SPMIP3: variants seen among roughly 807,000 people sequenced by gnomAD.
SPMIP3 encodes sperm microtubule inner protein 3.
the SPMIP3 span, chr1:244,388,975 T>C: frequency 6.2e-7 from 1 of 1,613,790 alleles, no homozygotes; most frequent in South Asian, 1.1e-5. Context: ...TTAGCCACAG[T>C]TTCGCTGAAT....
chr1:244,353,276 G>A, the SPMIP3 span, among the ~76,000 whole-genome samples: 3 of 152,088 alleles, frequency 2.0e-5, no homozygotes, highest in Admixed American at 6.6e-5. Flanking sequence ...CAAGCGTGGC[G>A]GCTCACACCT....
the SPMIP3 span, among the ~76,000 whole-genome samples, chr1:244,362,942 C>G: frequency 2.0e-5 from 3 of 149,008 alleles, no homozygotes; most frequent in Non-Finnish European, 4.4e-5. Context: ...TTCCTGGGCT[C>G]AAGCGATCCT....
At chr1:244,386,003 A>AACACACACACACAC in the SPMIP3 span, among the ~76,000 whole-genome samples, 30 of 145,756 alleles carry the variant, frequency 2.1e-4, no homozygotes, top group Middle Eastern at 3.5e-3. Flanking sequence ...ATCTCTACAA[A>AACACACACACACAC]ACACACACAC....
chr1:244,381,475 G>A, the SPMIP3 span, among the ~76,000 whole-genome samples: 115 of 152,310 alleles, frequency 7.6e-4, no homozygotes, highest in African/African-American at 2.8e-3. Context: ...AACCTATGGA[G>A]CTAAATAAAT....
At chr1:244,375,278 A>G in the SPMIP3 span, 2 of 1,015,208 alleles carry the variant, frequency 2.0e-6, no homozygotes, top group Admixed American at 2.1e-5. Context: ...GACAAAGACC[A>G]AATACGTTTT....
the SPMIP3 span, among the ~76,000 whole-genome samples, chr1:244,382,021 G>C: frequency 1.3e-5 from 2 of 152,202 alleles, no homozygotes; most frequent in Non-Finnish European, 2.9e-5. Context: ...GATTACACAA[G>C]GCATGAATAC....
the SPMIP3 span, among the ~76,000 whole-genome samples, chr1:244,369,287 A>G: frequency 2.0e-5 from 3 of 152,254 alleles, no homozygotes; most frequent in Non-Finnish European, 4.4e-5. Context: ...TCCTGAAAAG[A>G]TCACTTTAAG....
At chr1:244,384,572 C>T in the SPMIP3 span, among the ~76,000 whole-genome samples, 1 of 152,076 alleles carries the variant, frequency 6.6e-6, no homozygotes, top group African/African-American at 2.4e-5. Flanking sequence ...CAGGCTATAC[C>T]CAATACCAGT....
At chr1:244,359,744 T>G in the SPMIP3 span, among the ~76,000 whole-genome samples, 4 of 150,812 alleles carry the variant, frequency 2.7e-5, no homozygotes, top group African/African-American at 9.8e-5. Flanking sequence ...ATTAATTAAT[T>G]AAAATAAGCA....
the SPMIP3 span, among the ~76,000 whole-genome samples, chr1:244,361,223 TTTTC>T: frequency 3.8e-5 from 4 of 106,128 alleles, no homozygotes; most frequent in African/African-American, 1.3e-4. Context: ...CATTTCTTTT[TTTTC>T]TTTCTTTCTT....
chr1:244,363,180 T>C, the SPMIP3 span, among the ~76,000 whole-genome samples: 1 of 151,840 alleles, frequency 6.6e-6, no homozygotes, highest in Non-Finnish European at 1.5e-5. Context: ...CCGAGGTGGG[T>C]GGATCACCTG....
At chr1:244,375,362 T>G in the SPMIP3 span, 1 of 1,607,452 alleles carries the variant, frequency 6.2e-7, no homozygotes, top group Non-Finnish European at 8.5e-7. Flanking sequence ...CTCCTCACTT[T>G]CTGCTCTAGT....
At chr1:244,375,227 G>A in the SPMIP3 span, 3 of 566,082 alleles carry the variant, frequency 5.3e-6, no homozygotes, top group East Asian at 3.1e-5. Context: ...CCCTTATCAG[G>A]AAATTCCATG....
At chr1:244,375,168 C>G in the SPMIP3 span, 3 of 408,960 alleles carry the variant, frequency 7.3e-6, no homozygotes, top group Non-Finnish European at 1.3e-5. Flanking sequence ...GCCTGCGAGG[C>G]CCATACACTC....
chr1:244,374,890 GC>G, the SPMIP3 span, among the ~76,000 whole-genome samples: 4 of 151,964 alleles, frequency 2.6e-5, no homozygotes, highest in Non-Finnish European at 4.4e-5. Flanking sequence ...GAGCCACCGT[GC>G]CCAGCCCGAT....
At chr1:244,377,023 G>A in the SPMIP3 span, among the ~76,000 whole-genome samples, 1 of 151,992 alleles carries the variant, frequency 6.6e-6, no homozygotes, top group Admixed American at 6.6e-5. Context: ...GGCCAGGGTG[G>A]TCTCGAACTC....
the SPMIP3 span, among the ~76,000 whole-genome samples, chr1:244,358,613 A>ATG: frequency 2.8e-4 from 42 of 149,294 alleles, no homozygotes; most frequent in Admixed American, 2.7e-4. Context: ...ATGTATGTGT[A>ATG]TGTGTGTGTG....
chr1:244,381,787 T>C, the SPMIP3 span, among the ~76,000 whole-genome samples: 1 of 152,104 alleles, frequency 6.6e-6, no homozygotes, highest in African/African-American at 2.4e-5. Flanking sequence ...AAAAATTAGC[T>C]GGGTGTGGTG....
chr1:244,356,919 T>A, the SPMIP3 span, among the ~76,000 whole-genome samples: 1 of 22,992 alleles, frequency 4.3e-5, no homozygotes, highest in Non-Finnish European at 8.2e-5. Flanking sequence ...TTTCTTTTCC[T>A]TTTTTTTTTT....
Sources: allele counts gnomAD v4.1 joint callset (sites outside exome capture counted in the v4.1 genomes callset), GRCh38; gene constraint gnomAD v4.1.1; transcripts MANE v1.5; gene names NCBI Gene and HGNC (gene_info 2026-07-23, HGNC 2026-07-21).